The following FAHD2A variants were observed in gnomAD, a reference collection of about 807,000 sequenced individuals.
FAHD2A encodes fumarylacetoacetate hydrolase domain containing 2A, also known as oxaloacetate tautomerase FAHD2A, mitochondrial.
In FAHD2A, 27 loss-of-function variants were observed where a neutral mutation model predicts 33.4. The ratio of observed to expected loss-of-function variants is 0.81; its 90% CI spans 0.60 to 1.11. FAHD2A has a LOEUF of 1.11. Among genes scored for constraint, FAHD2A ranks in the 50% most tolerant of loss-of-function variants. FAHD2A has a pLI of 0.00. For missense variants in FAHD2A, 296 were observed against 395.0 expected (o/e 0.75, Z 2.12); for synonymous variants, 130 against 153.3 (o/e 0.85, Z 1.12).
downstream of FAHD2A, among the ~76,000 whole-genome samples, chr2:95,417,758 CAG>C (rs377236303): frequency 6.6e-6 from 1 of 151,894 alleles, no homozygotes; most frequent in South Asian, 2.1e-4. Flanking sequence ...GAGAGAGAGA[CAG>C]AGAAAGAATG....
Position 95,410,988 on chromosome 2 carries a change from C to T in FAHD2A, c.647C>T (p.Pro216Leu), listed in dbSNP as rs1194891898. Residue 216 changes from proline to leucine, a missense_variant, in exon 5 of 8, where the codon CCT (proline) becomes CTT (leucine). Physicochemically the swap from Pro to Leu is moderately conservative, Grantham distance 98. Coordinates refer to ENST00000233379, the MANE Select transcript of FAHD2A (RefSeq NM_016044.3). ...LLGKTFDTFC[P>L]LGPALVTKDS... ...GGAAAAACCTTCGACACCTTCTGCCCTCTGGGCCCTGCCTTGGTGACCAAG... is the reference window on the plus strand; with the variant it reads ...GGAAAAACCTTCGACACCTTCTGCCTTCTGGGCCCTGCCTTGGTGACCAAG... 5.6e-6 allele frequency: 9 copies of T among 1,613,866 alleles called. No individual in the cohort carries two copies. In the African/African-American group the frequency reaches 6.7e-5, roughly 12 times the overall value.
intron 3 of FAHD2A, 153 bp downstream of exon 3, chr2:95,407,310 GA>G (rs905320840): frequency 1.2e-4 from 131 of 1,111,060 alleles, no homozygotes; most frequent in African/African-American, 1.4e-4. Context: ...ACTGGCCTTG[GA>G]AAAAAAAAGT....
At position 95,413,551 on chromosome 2, in the gene FAHD2A, G is replaced by A. The variant is rs763465333; in HGVS notation, c.*594G>A. Reference sequence around the variant, plus strand: ...GTGGAGCCTGGGGCCTGCAGGGCTCGGCGTCTGCTGCAGAACCTGGGCCAT... The same window carrying A: ...GTGGAGCCTGGGGCCTGCAGGGCTCAGCGTCTGCTGCAGAACCTGGGCCAT... On this transcript the variant is annotated 3_prime_UTR_variant, in exon 8 of 8. Coordinates refer to ENST00000233379, the MANE Select transcript of FAHD2A (RefSeq NM_016044.3). The A allele has an allele frequency of 2.1e-5, 34 of 1,585,478 alleles. No individual in the cohort carries two copies. Among genetic ancestry groups the A allele is most frequent in the Admixed American group, 1.3e-4 (7 of 54,946 alleles).
downstream of FAHD2A, among the ~76,000 whole-genome samples, chr2:95,418,483 A>G (rs1036770686): frequency 2.1e-4 from 32 of 152,038 alleles, no homozygotes; most frequent in African/African-American, 7.3e-4. Context: ...AACATTAAAA[A>G]TGAACCTTGA....
intron 3 of FAHD2A, 104 bp from the exon 4 acceptor site, chr2:95,410,423 C>G: frequency 6.9e-7 from 1 of 1,454,700 alleles, no homozygotes; most frequent in Non-Finnish European, 9.4e-7. Context: ...GCAGCGAAGC[C>G]ATACTGACAA....
Position 95,413,419 on chromosome 2 carries a change from A to G in FAHD2A, c.*462A>G, listed in dbSNP as rs572645410. ...AGGACACAGCTGTGTTCTGGGGCTC[A>G]GAAGTCTCAGCACAGGCTCCTTCTC... is the stretch of plus-strand genomic sequence containing the variant. On this transcript the variant is annotated 3_prime_UTR_variant, in exon 8 of 8. Transcript: ENST00000233379. The G allele has an allele frequency of 6.2e-7, 1 of 1,602,474 alleles. No homozygotes were observed. The highest frequency in any genetic ancestry group is 1.1e-5 in the South Asian group (1 of 89,152).
chr2:95,414,291 C>T lies in FAHD2A; in HGVS notation c.*1334C>T, dbSNP rs1271922197. The T allele has an allele frequency of 4.6e-6, 6 of 1,299,104 alleles. No homozygotes were observed. In the Admixed American group the frequency reaches 5.1e-5, roughly 11 times the overall value. 80.5% of individuals were successfully genotyped at this position (1,299,104 alleles called of 1,614,324 possible). ...GGGCGGTGGCCTGCAGGAACTGGAA[C>T]AGCTGTTGGAGAGGAGAAGAAAAAG... is the stretch of plus-strand genomic sequence containing the variant. On this transcript the variant is annotated 3_prime_UTR_variant, in exon 8 of 8. Coordinates refer to ENST00000233379, the MANE Select transcript of FAHD2A (RefSeq NM_016044.3).
rs201416966 is a variant in FAHD2A, at chr2:95,410,909, G to A, written c.568G>A (p.Asp190Asn). ...AHVAGFTVAHDVSARDWQMRR... is the reference protein window; with the variant it reads ...AHVAGFTVAHNVSARDWQMRR... ...CGTGGCCGGCTTCACTGTGGCTCAT[G>A]ACGTGAGTGCTCGTGACTGGCAAAT... The change falls in exon 5 of 8, where the codon GAC becomes AAC. Residue 190 changes from aspartate to asparagine, a missense_variant. Coordinates refer to ENST00000233379, the MANE Select transcript of FAHD2A (RefSeq NM_016044.3). The A allele has an allele frequency of 1.7e-4, 275 of 1,613,880 alleles. 1 individual carries two copies. The Middle Eastern group carries it at 2.0e-3, about 12-fold the overall frequency.
intron 1 of FAHD2A, among the ~76,000 whole-genome samples, chr2:95,403,317 G>C (rs1681019574): frequency 6.6e-6 from 1 of 152,146 alleles, no homozygotes; most frequent in African/African-American, 2.4e-5. Flanking sequence ...CGCTCTACCT[G>C]AGGAGATTGC....
rs1286187648 is a variant in FAHD2A at position 95,415,705 on chromosome 2, G to T, written c.*2748G>T. ...CCCAGCTCTGGTTGTGGAAGGGCTG[G>T]CACCAAGGAGCTGCGAGCTTACCTC... On this transcript the variant is annotated 3_prime_UTR_variant, in exon 8 of 8. Transcript: ENST00000233379. 1 of 152,580 alleles carries T rather than the reference G, an allele frequency of 6.6e-6. No homozygotes were observed. Among genetic ancestry groups the T allele is most frequent in the African/African-American group, 2.4e-5 (1 of 41,412 alleles). The allele number at this position is 152,580 out of a possible 1,614,324, so 9.5% of individuals were successfully genotyped here. A position where few individuals can be genotyped will look rare whatever the true frequency, so the allele number is the denominator to read the frequency against.
At position 95,414,233 on chromosome 2, in the gene FAHD2A, C is replaced by T; in HGVS notation, c.*1276C>T. 6.2e-7 allele frequency: 1 copy of T among 1,602,838 alleles called. No homozygotes were observed. Among genetic ancestry groups the T allele is most frequent in the Non-Finnish European group, 8.5e-7 (1 of 1,174,860 alleles). On this transcript the variant is annotated 3_prime_UTR_variant, in exon 8 of 8. Coordinates refer to ENST00000233379, the MANE Select transcript of FAHD2A (RefSeq NM_016044.3). ...CACTGCCTGCAGGAGCCTGGGCTGACTGGTTGGGACTCACCAAAGATCCCT... is the reference window on the plus strand; with the variant it reads ...CACTGCCTGCAGGAGCCTGGGCTGATTGGTTGGGACTCACCAAAGATCCCT...
chr2:95,415,764 C>G lies in FAHD2A; in HGVS notation c.*2807C>G, dbSNP rs1683099120. On this transcript the variant is annotated 3_prime_UTR_variant, in exon 8 of 8. Transcript: ENST00000233379. ...TCACCTCACCATGCCGGCTGCGAGG[C>G]GGCCCGTGCAGTCCGTGCGCAGGAG... 1 of 152,646 alleles carries G rather than the reference C, an allele frequency of 6.6e-6. No homozygotes were observed. The highest frequency in any genetic ancestry group is 2.4e-5 in the African/African-American group (1 of 41,428). The allele number at this position is 152,646 out of a possible 1,614,324, so 9.5% of individuals were successfully genotyped here.
chr2:95,409,742 A>G (rs1682175660), intron 3 of FAHD2A, among the ~76,000 whole-genome samples: 1 of 152,192 alleles, frequency 6.6e-6, no homozygotes, highest in Admixed American at 6.5e-5. Context: ...ATTGTTTGTA[A>G]TTCATCATTT....
downstream of FAHD2A, among the ~76,000 whole-genome samples, chr2:95,419,787 C>G (rs1683289134): frequency 6.6e-6 from 1 of 151,656 alleles, no homozygotes. Context: ...CACATACAGA[C>G]CTATATATCT....
Position 95,411,945 on chromosome 2 carries a change from C to T in FAHD2A, c.686-489C>T, listed in dbSNP as rs529680544. On this transcript the variant is annotated intron_variant, in intron 5 of 7. Transcript: ENST00000233379. Reference sequence around the variant, plus strand: ...GGACTACAGGCACGCACCACCACGCCTGACTAATGTTTTTATTATTTTTTG... The same window carrying T: ...GGACTACAGGCACGCACCACCACGCTTGACTAATGTTTTTATTATTTTTTG... Among the ~76,000 whole-genome samples, 10 of 152,288 alleles carry T rather than the reference C, an allele frequency of 6.6e-5. No individual in the cohort carries two copies. In the South Asian group the frequency reaches 1.0e-3, roughly 16 times the overall value.
At chr2:95,420,197 C>A (rs1683295221), downstream of FAHD2A, among the ~76,000 whole-genome samples, 1 of 151,982 alleles carries the variant, frequency 6.6e-6, no homozygotes. Flanking sequence ...AGAAACACAC[C>A]CACAGAAACA....
chr2:95,409,392 T>C (rs1437433617), intron 3 of FAHD2A, among the ~76,000 whole-genome samples: 3 of 152,044 alleles, frequency 2.0e-5, no homozygotes, highest in Non-Finnish European at 4.4e-5. Context: ...TCAGCACACC[T>C]CTGCCTCCTG....
rs1683033470 is a variant in FAHD2A at position 95,415,143 on chromosome 2, T to A, written c.*2186T>A. 6.6e-6 allele frequency: 1 copy of A among 152,254 alleles called. No homozygotes were observed. Among genetic ancestry groups the A allele is most frequent in the African/African-American group, 2.4e-5 (1 of 41,436 alleles). The allele number at this position is 152,254 out of a possible 1,614,324, so 9.4% of individuals were successfully genotyped here. On this transcript the variant is annotated 3_prime_UTR_variant, in exon 8 of 8. Coordinates refer to ENST00000233379, the MANE Select transcript of FAHD2A (RefSeq NM_016044.3). ...CCCAAATACTGCAACCCTGACCCAA[T>A]GCACGAAGCCACCCCAAAATACAGC...
intron 5 of FAHD2A, 59 bp from the exon 6 acceptor site, chr2:95,412,375 A>T: frequency 6.2e-7 from 1 of 1,605,946 alleles, no homozygotes; most frequent in South Asian, 1.1e-5. Context: ...TGTTTGTAAA[A>T]TATTGGGGGG....
Sources: allele counts gnomAD v4.1 joint callset (sites outside exome capture counted in the v4.1 genomes callset), GRCh38; gene constraint gnomAD v4.1.1; transcripts MANE v1.5; gene names NCBI Gene and HGNC (gene_info 2026-07-23, HGNC 2026-07-21).